Variants in TMEM232 observed in about 807,000 individuals in gnomAD.
TMEM232 encodes transmembrane protein 232.
In TMEM232, 80 loss-of-function variants were observed where a neutral mutation model predicts 78.8. The observed-to-expected ratio is 1.01, with a 90% CI of 0.85 to 1.22. The LOEUF (loss-of-function observed/expected upper bound fraction) is 1.22. TMEM232 is among the 50% of genes most tolerant of loss of function. The pLI, the probability that TMEM232 is intolerant of heterozygous loss-of-function variation, is 0.00. For missense variants in TMEM232, 881 were observed against 742.2 expected (o/e 1.19, Z -2.17); for synonymous variants, 297 against 254.3 (o/e 1.17, Z -1.60).
At chr5:110,396,103 CTTACAA>C (rs1755377846) in intron 3 of TMEM232, among the ~76,000 whole-genome samples, 2 of 152,128 alleles carry the variant, frequency 1.3e-5, no homozygotes. Context: ...CCTCAGAAAA[CTTACAA>C]TTGTGGCAGA....
intron 10 of TMEM232, among the ~76,000 whole-genome samples, chr5:110,596,090 C>A (rs191183658): frequency 1.3e-5 from 2 of 152,174 alleles, no homozygotes; most frequent in African/African-American, 4.8e-5. Flanking sequence ...AGCAGAAACC[C>A]TACAAGCCAG....
chr5:110,404,016 C>G (rs773808160), intron 2 of TMEM232, among the ~76,000 whole-genome samples: 1 of 151,926 alleles, frequency 6.6e-6, no homozygotes, highest in Non-Finnish European at 1.5e-5. Context: ...TCCTTCTTAA[C>G]TTGCCCCTTT....
At chr5:110,611,200 G>A (rs1461701619) in intron 8 of TMEM232, among the ~76,000 whole-genome samples, 1 of 152,122 alleles carries the variant, frequency 6.6e-6, no homozygotes, top group East Asian at 1.9e-4. Context: ...GAGAATTAGT[G>A]TAAATAAATT....
intron 10 of TMEM232, among the ~76,000 whole-genome samples, chr5:110,595,522 T>A (rs1780055937): frequency 6.6e-6 from 1 of 152,118 alleles, no homozygotes; most frequent in Non-Finnish European, 1.5e-5. Flanking sequence ...AAACTAAGAA[T>A]TTTGATAAAA....
intron 12 of TMEM232, among the ~76,000 whole-genome samples, chr5:110,491,205 T>C (rs570830187): frequency 6.6e-6 from 1 of 152,000 alleles, no homozygotes; most frequent in Non-Finnish European, 1.5e-5. Context: ...ACATGGTCCA[T>C]ATGAACATAA....
intron 2 of TMEM232, among the ~76,000 whole-genome samples, chr5:110,657,785 G>A (rs1789281951): frequency 6.6e-6 from 1 of 152,170 alleles, no homozygotes; most frequent in South Asian, 2.1e-4. Context: ...CATGTTTAAA[G>A]TGGTGGAGAT....
chr5:110,620,809 A>G (rs1279839178), intron 7 of TMEM232, among the ~76,000 whole-genome samples: 4 of 149,016 alleles, frequency 2.7e-5, no homozygotes, highest in Non-Finnish European at 4.4e-5. Context: ...AATTTTCCAG[A>G]TAGGTAGGGC....
chr5:110,522,572 C>T (rs999531975), intron 12 of TMEM232, among the ~76,000 whole-genome samples: 4 of 151,954 alleles, frequency 2.6e-5, no homozygotes, highest in African/African-American at 4.8e-5. Context: ...TTTATTATGT[C>T]GAGGTATATT....
rs775904265 is a variant in TMEM232 at position 110,725,003 on chromosome 5, TAA to T, written c.-13+1622_-13+1623del. ...TAATTTACTAAGGTGGTATATTTTT[TAA>T]AGAGATTTGTTTTCTTTGGTATTGT... On this transcript the variant is annotated intron_variant, in intron 1 of 13. Coordinates refer to ENST00000455884, the MANE Select transcript of TMEM232 (RefSeq NM_001039763.4). 2.7e-4 allele frequency among the ~76,000 whole-genome samples: 41 copies of T among 152,332 alleles called. No homozygotes were observed. In the East Asian group the frequency reaches 2.9e-3, roughly 11 times the overall value.
At chr5:110,623,888 A>C (rs1784087455) in intron 7 of TMEM232, among the ~76,000 whole-genome samples, 1 of 152,170 alleles carries the variant, frequency 6.6e-6, no homozygotes, top group South Asian at 2.1e-4. Context: ...AAGTGGAAAA[A>C]GGCACAGAGA....
chr5:110,497,042 G>A (rs1310623218), intron 12 of TMEM232, among the ~76,000 whole-genome samples: 3 of 151,848 alleles, frequency 2.0e-5, no homozygotes, highest in Non-Finnish European at 2.9e-5. Context: ...TTGACTTAGT[G>A]GGTCTTAGTT....
chr5:110,671,770 A>T (rs1791378137), intron 1 of TMEM232, among the ~76,000 whole-genome samples: 2 of 152,176 alleles, frequency 1.3e-5, no homozygotes, highest in African/African-American at 4.8e-5. Context: ...GAGGAGCGAT[A>T]GCATTAAGAG....
chr5:110,418,276 C>T (rs1019048943), downstream of TMEM232: 1 of 152,080 alleles, frequency 6.6e-6, no homozygotes, highest in South Asian at 2.1e-4. Flanking sequence ...TCACTCTTTA[C>T]ATAAATTGTG....
At chr5:110,441,230 C>T (rs1435889951) in intron 12 of TMEM232, among the ~76,000 whole-genome samples, 1 of 152,100 alleles carries the variant, frequency 6.6e-6, no homozygotes, top group African/African-American at 2.4e-5. Context: ...GGCCTCTGCC[C>T]ACTAGATGTC....
intron 1 of TMEM232, among the ~76,000 whole-genome samples, chr5:110,717,039 C>A (rs1444870633): frequency 2.0e-5 from 3 of 152,078 alleles, no homozygotes; most frequent in Non-Finnish European, 4.4e-5. Context: ...AGTTGAAAGA[C>A]CACTTTGTAC....
intron 1 of TMEM232, among the ~76,000 whole-genome samples, chr5:110,707,961 T>C (rs928130622): frequency 6.6e-6 from 1 of 152,114 alleles, no homozygotes; most frequent in African/African-American, 2.4e-5. Context: ...CTGGGAAGAT[T>C]CATCACCTGC....
upstream of TMEM232, among the ~76,000 whole-genome samples, chr5:110,731,667 G>T (rs1283078541): frequency 2.6e-5 from 4 of 152,214 alleles, no homozygotes; most frequent in Non-Finnish European, 5.9e-5. Context: ...CTGGGACACA[G>T]GACACCAAGT....
chr5:110,558,708 C>G (rs775324234), intron 11 of TMEM232, among the ~76,000 whole-genome samples: 2 of 152,144 alleles, frequency 1.3e-5, no homozygotes, highest in African/African-American at 2.4e-5. Flanking sequence ...GGATGGGCAT[C>G]CCTGGCCATT....
At chr5:110,610,903 G>C (rs989662051) in intron 8 of TMEM232, among the ~76,000 whole-genome samples, 1 of 152,030 alleles carries the variant, frequency 6.6e-6, no homozygotes, top group African/African-American at 2.4e-5. Flanking sequence ...ATATAATCTT[G>C]GCCTTACCTA....
Sources: gnomAD v4.1 joint callset for allele counts (sites outside exome capture counted in the v4.1 genomes callset) on GRCh38, gnomAD v4.1.1 for gene constraint, MANE v1.5 for transcripts, NCBI Gene and HGNC (gene_info 2026-07-23, HGNC 2026-07-21) for gene names.